SAMSN1: variants seen among roughly 807,000 people sequenced by gnomAD.
SAMSN1 encodes the protein SAM domain-containing protein SAMSN-1.
In SAMSN1, 31 loss-of-function variants were observed where a neutral mutation model predicts 42.0. That is an observed-to-expected ratio of 0.74 (90% CI 0.55 to 1.00). The LOEUF (loss-of-function observed/expected upper bound fraction) is 1.00. Among genes scored for constraint, SAMSN1 ranks in the 50% least tolerant of loss-of-function variants. The pLI is 0.00. For missense variants in SAMSN1, 464 were observed against 439.4 expected (o/e 1.06, Z -0.50); for synonymous variants, 178 against 151.9 (o/e 1.17, Z -1.26).
chr21:14,532,842 TAAAG>T (rs1406690875), intron 1 of SAMSN1, among the ~76,000 whole-genome samples: 5 of 152,170 alleles, frequency 3.3e-5, no homozygotes, highest in African/African-American at 1.2e-4. Context: ...ACTTACAATA[TAAAG>T]AAACTATAAT....
upstream of SAMSN1, among the ~76,000 whole-genome samples, chr21:14,547,123 C>T (rs956927589): frequency 6.6e-6 from 1 of 152,244 alleles, no homozygotes; most frequent in Non-Finnish European, 1.5e-5. Flanking sequence ...ATGGATTAGA[C>T]CCATTCTAAA....
chr21:14,506,485 T>C (rs1987412309), intron 5 of SAMSN1, among the ~76,000 whole-genome samples: 1 of 152,208 alleles, frequency 6.6e-6, no homozygotes, highest in East Asian at 1.9e-4. Flanking sequence ...CTCTCCTAGC[T>C]TAAATCAGGA....
At chr21:14,606,989 TATC>T (rs1164010534) in intron 5 of SAMSN1, among the ~76,000 whole-genome samples, 2 of 152,230 alleles carry the variant, frequency 1.3e-5, no homozygotes, top group Non-Finnish European at 2.9e-5. Context: ...AATGTAGAAA[TATC>T]ATTTTGAAAT....
chr21:14,635,964 C>T (rs1983457806), intron 2 of SAMSN1, among the ~76,000 whole-genome samples: 1 of 152,070 alleles, frequency 6.6e-6, no homozygotes, highest in South Asian at 2.1e-4. Context: ...TCCCCCAGTC[C>T]CCCACCCCAC....
At chr21:14,540,382 C>A (rs1979933460) in intron 1 of SAMSN1, among the ~76,000 whole-genome samples, 1 of 151,952 alleles carries the variant, frequency 6.6e-6, no homozygotes, top group Non-Finnish European at 1.5e-5. Flanking sequence ...AAAATTTTTG[C>A]AATCTACTCA....
chr21:14,574,957 G>A (rs986460262), intron 2 of SAMSN1, among the ~76,000 whole-genome samples: 4 of 152,062 alleles, frequency 2.6e-5, no homozygotes, highest in Non-Finnish European at 5.9e-5. Flanking sequence ...GTACTACAAA[G>A]TGTTTGCCAT....
At chr21:14,495,603 T>G (rs1986885201) in intron 7 of SAMSN1, 3 of 152,234 alleles carry the variant, frequency 2.0e-5, no homozygotes, top group African/African-American at 7.2e-5. Flanking sequence ...TGTACCTTAC[T>G]GGCTGTCATT....
chr21:14,634,272 A>C (rs958790206), intron 2 of SAMSN1, among the ~76,000 whole-genome samples: 1 of 152,134 alleles, frequency 6.6e-6, no homozygotes, highest in Non-Finnish European at 1.5e-5. Context: ...TTTTACGATG[A>C]AATCACCAAA....
rs375507220 is a variant in SAMSN1 at position 14,534,386 on chromosome 21, A to T, written c.57+11819T>A. Among the ~76,000 whole-genome samples, 8 of 152,340 alleles carry T rather than the reference A, an allele frequency of 5.3e-5. No individual in the cohort carries two copies. The South Asian group carries it at 1.7e-3, about 32-fold the overall frequency. On this transcript the variant is annotated intron_variant, in intron 1 of 7. Transcript: ENST00000400566. Reference sequence around the variant, plus strand: ...AAATATGAGTCAGCTACATCCCCTGATCCTCTGTTCTTGATGGTGAATCTA... The same window carrying T: ...AAATATGAGTCAGCTACATCCCCTGTTCCTCTGTTCTTGATGGTGAATCTA...
At chr21:14,490,863 TC>T (rs1400095761) in intron 7 of SAMSN1, among the ~76,000 whole-genome samples, 1 of 152,112 alleles carries the variant, frequency 6.6e-6, no homozygotes, top group Non-Finnish European at 1.5e-5. Flanking sequence ...TAGGGCAATC[TC>T]CACTTCCACT....
chr21:14,498,607 A>T lies in SAMSN1; in HGVS notation c.769-15T>A. 6.5e-7 allele frequency: 1 copy of T among 1,543,650 alleles called. No individual in the cohort carries two copies. Among genetic ancestry groups the T allele is most frequent in the Non-Finnish European group, 8.7e-7 (1 of 1,152,256 alleles). ...GAGGTGTATTCCTGTAAGACAAAAA[A>T]TATAAAGCAAATTAGTCAGATTCAA... On this transcript the variant is annotated splice_polypyrimidine_tract_variant and intron_variant, in intron 6 of 7. Transcript: ENST00000400566.
At chr21:14,550,962 G>T (rs1415429003), upstream of SAMSN1, among the ~76,000 whole-genome samples, 2 of 152,162 alleles carry the variant, frequency 1.3e-5, no homozygotes, top group East Asian at 3.9e-4. Flanking sequence ...CATAAATGAT[G>T]ATTTGGCTCC....
intron 2 of SAMSN1, among the ~76,000 whole-genome samples, chr21:14,574,045 C>G (rs6516888): frequency 0.23 from 34,555 of 152,160 alleles, 7,945 homozygotes; most frequent in African/African-American, 0.6. Context: ...TAATGAGCTC[C>G]TTCAAATGTT....
chr21:14,539,716 G>A (rs988326279), intron 1 of SAMSN1, among the ~76,000 whole-genome samples: 3 of 152,094 alleles, frequency 2.0e-5, no homozygotes, highest in African/African-American at 7.2e-5. Flanking sequence ...TGGCCACACT[G>A]CCCAAGGTAA....
At chr21:14,572,743 C>T (rs941187641) in intron 2 of SAMSN1, among the ~76,000 whole-genome samples, 3 of 152,170 alleles carry the variant, frequency 2.0e-5, no homozygotes. Context: ...AGCCCTTTCA[C>T]ATCCAAGGTG....
upstream of SAMSN1, among the ~76,000 whole-genome samples, chr21:14,548,486 C>G (rs2822764): frequency 0.25 from 37,816 of 151,972 alleles, 5,306 homozygotes; most frequent in East Asian, 0.49. Flanking sequence ...GCGTTATACT[C>G]AAGCAAACAA....
intron 2 of SAMSN1, among the ~76,000 whole-genome samples, chr21:14,556,615 G>T (rs1409810060): frequency 6.6e-6 from 1 of 152,126 alleles, no homozygotes; most frequent in Non-Finnish European, 1.5e-5. Context: ...ATTGTAAATA[G>T]ATGCACATTG....
chr21:14,577,238 GTA>G (rs767931839), intron 2 of SAMSN1, among the ~76,000 whole-genome samples: 1,326 of 28,122 alleles, frequency 0.047, 33 homozygotes, highest in Non-Finnish European at 0.057. Flanking sequence ...ATATATGTGT[GTA>G]TATATATATA....
chr21:14,548,143 C>G (rs372219812), upstream of SAMSN1, among the ~76,000 whole-genome samples: 3 of 152,124 alleles, frequency 2.0e-5, no homozygotes, highest in Non-Finnish European at 4.4e-5. Flanking sequence ...GCACCCTCGA[C>G]ACCCTCTTTT....
Sources: allele counts gnomAD v4.1 joint callset (sites outside exome capture counted in the v4.1 genomes callset), GRCh38; gene constraint gnomAD v4.1.1; transcripts MANE v1.5; gene names NCBI Gene and HGNC (gene_info 2026-07-23, HGNC 2026-07-21).